Variants in PCDHGA4 observed in about 807,000 individuals in gnomAD.
PCDHGA4 encodes protocadherin gamma-A4.
PCDHGA4 carries 38 observed loss-of-function variants against 54.6 expected under a neutral mutation model. That is an observed-to-expected ratio of 0.70 (90% confidence interval 0.54 to 0.91). The LOEUF is 0.91. PCDHGA4 is among the 40% of genes least tolerant of loss of function. The probability of loss-of-function intolerance (pLI) is 0.00; values close to 1 mark genes in which losing one functional copy is unlikely to be tolerated. For missense variants in PCDHGA4, 1,298 were observed against 1,220.9 expected (o/e 1.06, Z -0.94); for synonymous variants, 511 against 512.9 (o/e 1.00, Z 0.05).
intron 1 of PCDHGA4, chr5:141,423,750 TGGG>T: frequency 4.5e-5 from 13 of 287,436 alleles, no homozygotes; most frequent in South Asian, 1.7e-4. Flanking sequence ...GAAAACTGTT[TGGG>T]GGGGGGGTGG....
chr5:141,391,206 C>G (rs1004320707), intron 1 of PCDHGA4: 14 of 152,076 alleles, frequency 9.2e-5, no homozygotes, highest in African/African-American at 3.4e-4. Flanking sequence ...TACAAAATAC[C>G]AAGGAACATT....
At chr5:141,414,897 C>G in intron 1 of PCDHGA4, 1 of 1,614,230 alleles carries the variant, frequency 6.2e-7, no homozygotes, top group Non-Finnish European at 8.5e-7. Flanking sequence ...TCCCCACAGA[C>G]GGTTCCACAG....
chr5:141,486,555 A>T lies in PCDHGA4; in HGVS notation c.2515-8252A>T, dbSNP rs746001345. The T allele has an allele frequency of 6.2e-6, 10 of 1,614,078 alleles. No individual in the cohort carries two copies. Among genetic ancestry groups the T allele is most frequent in the Non-Finnish European group, 7.6e-6 (9 of 1,180,022 alleles). ...CCCTCTTTCTTTCAGAGGTCACATGAGGTGTTTGTTCCTGAGAACAATCGC... is the reference window on the plus strand; with the variant it reads ...CCCTCTTTCTTTCAGAGGTCACATGTGGTGTTTGTTCCTGAGAACAATCGC... On this transcript the variant is annotated intron_variant, in intron 1 of 3. Transcript: ENST00000571252. This position sits in a 1 kb window ranked among gnomAD's most constrained non-coding sequence, Gnocchi z 5.0.
chr5:141,365,440 C>T, intron 1 of PCDHGA4: 3 of 1,613,954 alleles, frequency 1.9e-6, no homozygotes, highest in Non-Finnish European at 1.7e-6. Flanking sequence ...CGCTGTTTAG[C>T]GTACATGATG....
chr5:141,395,332 AT>A (rs2093216099), intron 1 of PCDHGA4: 2 of 1,450,272 alleles, frequency 1.4e-6, no homozygotes, highest in Non-Finnish European at 9.2e-7. Flanking sequence ...GTTGAAAATA[AT>A]TTTTAAGGTG....
rs530114356 is a variant in PCDHGA4 at position 141,357,088 on chromosome 5, C to G, written c.1981C>G (p.Arg661Gly). 1.9e-6 allele frequency: 3 copies of G among 1,613,900 alleles called. No individual in the cohort carries two copies. The highest frequency in any genetic ancestry group is 3.3e-4 in the Middle Eastern group (2 of 6,058). ...GLHTGEVRTA[R>G]ALLDRDALKQ... is the part of the protein sequence containing the mutation. Reference sequence around the variant, plus strand: ...GCACACAGGCGAGGTGCGCACCGCACGGGCCCTGCTGGACAGAGACGCGCT... The same window carrying G: ...GCACACAGGCGAGGTGCGCACCGCAGGGGCCCTGCTGGACAGAGACGCGCT... The change falls in exon 1 of 4, where the codon CGG (arginine) becomes GGG (glycine). Residue 661 changes from arginine (R) to glycine (G), a missense_variant. Transcript: ENST00000571252.
At chr5:141,395,194 C>G in intron 1 of PCDHGA4, 1 of 1,613,922 alleles carries the variant, frequency 6.2e-7, no homozygotes, top group Non-Finnish European at 8.5e-7. Flanking sequence ...TTGTTAACAT[C>G]CGTAGATTTT....
intron 1 of PCDHGA4, chr5:141,365,857 T>C: frequency 1.2e-6 from 2 of 1,614,066 alleles, no homozygotes; most frequent in Non-Finnish European, 1.7e-6. Context: ...CCATTAACTC[T>C]GACACCGGTG....
At chr5:141,406,431 T>G (rs1316370664) in intron 1 of PCDHGA4, among the ~76,000 whole-genome samples, 3 of 152,352 alleles carry the variant, frequency 2.0e-5, no homozygotes, top group Non-Finnish European at 4.4e-5. Context: ...ATTTATTGCT[T>G]CTATTCTTCC....
In PCDHGA4 at chr5:141,358,636, T is replaced by C. The variant is rs115557619; in HGVS notation, c.2514+1015T>C. On this transcript the variant is annotated intron_variant, in intron 1 of 3. Coordinates refer to ENST00000571252, the MANE Select transcript of PCDHGA4 (RefSeq NM_018917.4). ...TATTTCCAAGCTAATTTCAGTCATA[T>C]ATAAGTAGATTCTAGGAGTAACTTT... Among the ~76,000 whole-genome samples, 216 of 152,290 alleles carry C rather than the reference T, an allele frequency of 1.4e-3. 2 individuals carry two copies. The highest frequency in any genetic ancestry group is 5.0e-3 in the African/African-American group (206 of 41,584).
intron 1 of PCDHGA4, among the ~76,000 whole-genome samples, chr5:141,478,999 A>C (rs1220971456): frequency 2.0e-5 from 3 of 152,194 alleles, no homozygotes. Context: ...ATTAAAACTA[A>C]TAGCTTTTTG....
chr5:141,408,295 G>A (rs1185231517), intron 1 of PCDHGA4: 8 of 1,613,700 alleles, frequency 5.0e-6, no homozygotes, highest in East Asian at 2.2e-5. Flanking sequence ...CCCTGAGTGA[G>A]CCGATCCGCT....
At chr5:141,430,652 A>G in intron 1 of PCDHGA4, 1 of 1,069,464 alleles carries the variant, frequency 9.4e-7, no homozygotes. Context: ...ATGTGGAAAC[A>G]ACGGAGGAGC....
chr5:141,389,784 G>A (rs1380763543), intron 1 of PCDHGA4: 5 of 1,613,318 alleles, frequency 3.1e-6, no homozygotes, highest in Non-Finnish European at 4.2e-6. Flanking sequence ...AGGCGACAGG[G>A]ACGCCGTCCG....
At position 141,409,359 on chromosome 5, in the gene PCDHGA4, T is replaced by C. The variant is rs371907890; in HGVS notation, c.2514+51738T>C. ...GGAAATGGAGAAGTCAGGTGTAATA[T>C]AGAAACAGACATTCCATTCAAGATT... On this transcript the variant is annotated intron_variant, in intron 1 of 3. Coordinates refer to ENST00000571252, the MANE Select transcript of PCDHGA4 (RefSeq NM_018917.4). 6.8e-6 allele frequency: 11 copies of C among 1,614,026 alleles called. No individual in the cohort carries two copies. The highest frequency in any genetic ancestry group is 8.5e-6 in the Non-Finnish European group (10 of 1,179,908).
chr5:141,377,666 T>C (rs1416026384), intron 1 of PCDHGA4: 1 of 152,116 alleles, frequency 6.6e-6, no homozygotes, highest in Admixed American at 6.5e-5. Context: ...ACGACAGACG[T>C]TCATACAAGA....
At chr5:141,376,418 C>T (rs1354597104) in intron 1 of PCDHGA4, 1 of 1,614,112 alleles carries the variant, frequency 6.2e-7, no homozygotes, top group Admixed American at 1.7e-5. Flanking sequence ...TGCCGACACG[C>T]TTATCAACCA....
intron 1 of PCDHGA4, chr5:141,361,129 A>G: frequency 6.2e-7 from 1 of 1,614,024 alleles, no homozygotes; most frequent in Non-Finnish European, 8.5e-7. Context: ...AGCCCACTGC[A>G]GTATCCAAGT....
chr5:141,422,197 G>C, intron 1 of PCDHGA4: 1 of 1,562,284 alleles, frequency 6.4e-7, no homozygotes, highest in Non-Finnish European at 8.6e-7. Flanking sequence ...TCAAGGCCAA[G>C]ATGGTGGAGG....
Sources: allele counts gnomAD v4.1 joint callset (sites outside exome capture counted in the v4.1 genomes callset), GRCh38; gene constraint gnomAD v4.1.1; non-coding constraint Gnocchi (gnomAD v3.1); transcripts MANE v1.5; gene names NCBI Gene and HGNC (gene_info 2026-07-23, HGNC 2026-07-21).